DAP3: variants seen among roughly 807,000 people sequenced by gnomAD.
DAP3 encodes death associated protein 3.
A neutral mutation model predicts 51.9 loss-of-function variants in DAP3; 28 were observed. The observed-to-expected ratio is 0.54, with a 90% confidence interval of 0.40 to 0.74. The LOEUF is 0.74. Among genes scored for constraint, DAP3 ranks in the 30% least tolerant of loss-of-function variants. The probability of loss-of-function intolerance (pLI) is 0.00; values close to 1 mark genes in which losing one functional copy is unlikely to be tolerated. For synonymous variants in DAP3, 170 were observed against 170.3 expected, an observed-to-expected ratio of 1.00 and a Z score of 0.01; for missense variants, 458 against 483.5, an observed-to-expected ratio of 0.95 and a Z score of 0.49.
chr1:155,729,432 T>A, intron 9 of DAP3, 66 bp downstream of exon 9: 1 of 1,573,578 alleles, frequency 6.4e-7, no homozygotes, highest in Non-Finnish European at 8.6e-7. Context: ...GGAGGCTGGG[T>A]CTTAGCCTTG....
At chr1:155,695,751 T>C (rs1269595727) in intron 1 of DAP3, among the ~76,000 whole-genome samples, 1 of 152,184 alleles carries the variant, frequency 6.6e-6, no homozygotes, top group Non-Finnish European at 1.5e-5. Flanking sequence ...ACTGCAATCA[T>C]TGCCTGTAAT....
At chr1:155,733,375 G>A (rs1659437206) in intron 11 of DAP3, among the ~76,000 whole-genome samples, 1 of 152,220 alleles carries the variant, frequency 6.6e-6, no homozygotes, top group Admixed American at 6.5e-5. Flanking sequence ...TAAAGATCCT[G>A]TTACTTCTCA....
intron 1 of DAP3, among the ~76,000 whole-genome samples, chr1:155,692,532 G>A (rs754888028): frequency 2.8e-5 from 4 of 141,954 alleles, no homozygotes; most frequent in South Asian, 2.1e-4. Flanking sequence ...ATTCTCTAAC[G>A]GTCTTAATCC....
chr1:155,699,075 G>A (rs1654867641), intron 1 of DAP3, among the ~76,000 whole-genome samples: 1 of 152,192 alleles, frequency 6.6e-6, no homozygotes, highest in Non-Finnish European at 1.5e-5. Context: ...AAAGGTGGGA[G>A]CCAGGGGGCC....
chr1:155,688,472 G>C (rs1034191921), upstream of DAP3: 1 of 1,549,594 alleles, frequency 6.5e-7, no homozygotes, highest in Non-Finnish European at 8.7e-7. Flanking sequence ...CATGTAGCGC[G>C]CACGTCAGCC....
At chr1:155,702,538 G>C (rs1404344608) in intron 1 of DAP3, among the ~76,000 whole-genome samples, 1 of 152,072 alleles carries the variant, frequency 6.6e-6, no homozygotes, top group Non-Finnish European at 1.5e-5. Context: ...TTATGAGTAC[G>C]TCTATGATCT....
intron 9 of DAP3, among the ~76,000 whole-genome samples, chr1:155,730,941 C>T (rs575877782): frequency 2.6e-5 from 4 of 152,160 alleles, no homozygotes; most frequent in East Asian, 3.9e-4. Context: ...GGAGTACCTT[C>T]AGGTATACAA....
chr1:155,717,039 C>G lies in DAP3; in HGVS notation c.79C>G (p.Gln27Glu). The G allele has an allele frequency of 6.2e-7, 1 of 1,614,076 alleles. No individual in the cohort carries two copies. The change falls in exon 3 of 13, where the codon CAG becomes GAG. Residue 27 changes from glutamine to glutamate, a missense_variant. Gln to Glu is a conservative substitution (Grantham distance 29). Coordinates refer to ENST00000368336, the MANE Select transcript of DAP3 (RefSeq NM_004632.4). ...DPGRFLHMGT[Q>E]ARQSIAAHLD... Reference sequence around the variant, plus strand: ...TGGGCGTTTTTTACACATGGGGACCCAGGCTCGCCAAAGCATTGCTGCTCA... The same window carrying G: ...TGGGCGTTTTTTACACATGGGGACCGAGGCTCGCCAAAGCATTGCTGCTCA...
chr1:155,728,947 C>G lies in DAP3; in HGVS notation c.604-95C>G, dbSNP rs1323189160. Reference sequence around the variant, plus strand: ...CTGAACAATAGATTAAAATGAACTCCTGTTAACCTTAGCCTCCAACCTTTT... The same window carrying G: ...CTGAACAATAGATTAAAATGAACTCGTGTTAACCTTAGCCTCCAACCTTTT... On this transcript the variant is annotated intron_variant, in intron 7 of 12. Coordinates refer to ENST00000368336, the MANE Select transcript of DAP3 (RefSeq NM_004632.4). 3 of 1,157,906 alleles carry G rather than the reference C, an allele frequency of 2.6e-6. 1 individual carries two copies. The allele number at this position is 1,157,906 out of a possible 1,614,324, so 71.7% of individuals were successfully genotyped here.
At position 155,738,813 on chromosome 1, in the gene DAP3, A is replaced by T. The variant is rs1314533702; in HGVS notation, c.*571A>T. ...ATGGTGAAAACCTGTCTCTACTAAA[A>T]ATACAAAAATTAGCCGGGCACGGTG... On this transcript the variant is annotated 3_prime_UTR_variant, in exon 13 of 13. Coordinates refer to ENST00000368336, the MANE Select transcript of DAP3 (RefSeq NM_004632.4). 6.6e-6 allele frequency: 1 copy of T among 152,052 alleles called. No homozygotes were observed. Among genetic ancestry groups the T allele is most frequent in the African/African-American group, 2.4e-5 (1 of 41,362 alleles). The allele number at this position is 152,052 out of a possible 1,614,324, so 9.4% of individuals were successfully genotyped here.
intron 1 of DAP3, among the ~76,000 whole-genome samples, chr1:155,694,440 C>T (rs1654256382): frequency 7.1e-6 from 1 of 141,562 alleles, no homozygotes; most frequent in Admixed American, 6.6e-5. Flanking sequence ...AGACTTACCA[C>T]CATGGTAATT....
chr1:155,694,452 C>A (rs903753796), intron 1 of DAP3, among the ~76,000 whole-genome samples: 3 of 141,624 alleles, frequency 2.1e-5, no homozygotes, highest in Non-Finnish European at 4.4e-5. Context: ...ATGGTAATTA[C>A]CGCAATCATA....
chr1:155,705,612 A>C (rs1655867230), intron 1 of DAP3, among the ~76,000 whole-genome samples: 1 of 151,316 alleles, frequency 6.6e-6, no homozygotes. Context: ...CAAAAAAAAA[A>C]AGAAAGAAAA....
Position 155,732,000 on chromosome 1 carries a change from G to A in DAP3, c.960G>A (p.Arg320=), listed in dbSNP as rs767880162. Reference sequence around the variant, plus strand: ...AGACTGGGTCTCTCTTTAAGCCCCGGAAAGCCTATCTGCCCCAGGAGTTGC... The same window carrying A: ...AGACTGGGTCTCTCTTTAAGCCCCGAAAAGCCTATCTGCCCCAGGAGTTGC... ...LSQTGSLFKP[R]KAYLPQELLG... The change falls in exon 11 of 13, where the codon CGG becomes CGA. Residue 320 remains arginine, a synonymous_variant. Coordinates refer to ENST00000368336, the MANE Select transcript of DAP3 (RefSeq NM_004632.4). 1.2e-6 allele frequency: 2 copies of A among 1,611,994 alleles called. No individual in the cohort carries two copies. The highest frequency in any genetic ancestry group is 1.7e-6 in the Non-Finnish European group (2 of 1,179,050).
chr1:155,694,104 G>A lies in DAP3; in HGVS notation c.-8+4930G>A, dbSNP rs1412656971. Among the ~76,000 whole-genome samples the A allele has an allele frequency of 2.8e-5, 4 of 141,688 alleles. 1 individual carries two copies. Among genetic ancestry groups the A allele is most frequent in the African/African-American group, 1.3e-4 (4 of 31,194 alleles). The allele number at this position is 141,688 out of a possible 152,430, so 93.0% of individuals were successfully genotyped here. On this transcript the variant is annotated intron_variant, in intron 1 of 12. Coordinates refer to ENST00000368336, the MANE Select transcript of DAP3 (RefSeq NM_004632.4). The stretch of plus-strand genomic sequence containing the variant: ...GAACTGAACTCTGTGGATGATCCGG[G>A]CTCCATCCAGAAAATAAATGATAGG...
At chr1:155,688,323 G>A (rs201953751), upstream of DAP3, 45 of 1,548,834 alleles carry the variant, frequency 2.9e-5, no homozygotes, top group Non-Finnish European at 3.5e-5. Context: ...CCAAAATGGC[G>A]GCGGCAGCGG....
At chr1:155,729,501 T>G in intron 9 of DAP3, 135 bp downstream of exon 9, 7 of 1,216,106 alleles carry the variant, frequency 5.8e-6, no homozygotes, top group South Asian at 4.7e-5. Context: ...AGTAAAGAGC[T>G]GGGTGCAGTG....
chr1:155,713,132 T>C (rs1656919931), intron 2 of DAP3, among the ~76,000 whole-genome samples: 1 of 152,188 alleles, frequency 6.6e-6, no homozygotes, highest in Non-Finnish European at 1.5e-5. Flanking sequence ...CATCGCAACA[T>C]ATAGCTTTTA....
intron 1 of DAP3, among the ~76,000 whole-genome samples, chr1:155,694,785 T>C (rs1471002655): frequency 6.6e-6 from 1 of 152,234 alleles, no homozygotes; most frequent in Non-Finnish European, 1.5e-5. Context: ...TCTCTCTTTT[T>C]CCCAGGTCTT....
Sources: allele counts gnomAD v4.1 joint callset (sites outside exome capture counted in the v4.1 genomes callset), GRCh38; gene constraint gnomAD v4.1.1; transcripts MANE v1.5; gene names NCBI Gene and HGNC (gene_info 2026-07-23, HGNC 2026-07-21).